The following DMBT1 variants were observed in gnomAD, a reference collection of about 807,000 sequenced individuals.
The protein encoded by DMBT1 is scavenger receptor cysteine-rich domain-containing protein DMBT1.
In DMBT1, 198 loss-of-function variants were observed where a neutral mutation model predicts 252.9. The ratio of observed to expected loss-of-function variants is 0.78; its 90% confidence interval spans 0.70 to 0.88. The LOEUF (loss-of-function observed/expected upper bound fraction) is 0.88. Among genes scored for constraint, DMBT1 ranks in the 40% least tolerant of loss-of-function variants. The pLI is 0.00. For missense variants in DMBT1, 2,432 were observed against 2,404.7 expected (o/e 1.01, Z -0.24); for synonymous variants, 990 against 942.7 (o/e 1.05, Z -0.92).
chr10:122,563,336 T>C (rs2097564166), intron 1 of DMBT1, among the ~76,000 whole-genome samples: 2 of 152,226 alleles, frequency 1.3e-5, no homozygotes, highest in Non-Finnish European at 2.9e-5. Flanking sequence ...CATTTAGTGT[T>C]ACTACTCTAG....
At chr10:122,586,522 A>G in intron 16 of DMBT1, 139 bp downstream of exon 16, 1 of 1,360,370 alleles carries the variant, frequency 7.4e-7, no homozygotes, top group Non-Finnish European at 9.8e-7. Flanking sequence ...CTCCTAGGAA[A>G]CCGCATGAGT....
rs763215088 is a variant in DMBT1 at position 122,589,208 on chromosome 10, A to G, written c.2048A>G (p.Asn683Ser). Residue 683 changes from asparagine (N) to serine (S), a missense_variant, in exon 17 of 56, where the codon AAC (asparagine) becomes AGC (serine). Physicochemically the swap from Asn to Ser is conservative, Grantham distance 46 (BLOSUM62 1). This residue lies in a region of DMBT1 where 1,264 missense variants were observed against 1,082.2 expected (regional missense o/e 1.17). Coordinates refer to ENST00000338354, the MANE Select transcript of DMBT1 (RefSeq NM_001377530.1). Reference sequence around the variant, plus strand: ...GAGTCCTACCTGTGGAGCTGCCCCAACAATGGCTGGCTCTCCCACAACTGT... The same window carrying G: ...GAGTCCTACCTGTGGAGCTGCCCCAGCAATGGCTGGCTCTCCCACAACTGT... Reference protein sequence around the residue: ...GHESYLWSCPNNGWLSHNCGH... With the variant: ...GHESYLWSCPSNGWLSHNCGH... 103 of 1,588,474 alleles carry G rather than the reference A, an allele frequency of 6.5e-5. 12 individuals are homozygous for G. The highest frequency in any genetic ancestry group is 8.3e-5 in the Non-Finnish European group (97 of 1,165,718).
chr10:122,636,146 C>T lies in DMBT1; in HGVS notation c.6704C>T (p.Thr2235Ile), dbSNP rs773895518. Residue 2235 changes from threonine (T) to isoleucine (I), a missense_variant, in exon 53 of 56, where the codon ACA becomes ATA. By Grantham distance (89) the Thr-to-Ile change is moderately conservative. Transcript: ENST00000338354. ...SIRFISDHSI[T>I]RRGFRAEYYS... ...CGCTTCATCAGTGACCACAGCATCA[C>T]AAGGAGAGGGTTCCGGGCTGAGTAC... 9.9e-6 allele frequency: 16 copies of T among 1,613,892 alleles called. No individual in the cohort carries two copies. The African/African-American group carries it at 1.2e-4, about 12-fold the overall frequency.
chr10:122,591,590 G>C lies in DMBT1; in HGVS notation c.2176+73G>C, dbSNP rs2133585807. Reference sequence around the variant, plus strand: ...ACAAATGTTTTCTCTGAAAATGATAGGATGAGGGTCAAGGTGGGCCCCTGT... The same window carrying C: ...ACAAATGTTTTCTCTGAAAATGATACGATGAGGGTCAAGGTGGGCCCCTGT... On this transcript the variant is annotated intron_variant, in intron 19 of 55. Transcript: ENST00000338354. 5 of 1,465,024 alleles carry C rather than the reference G, an allele frequency of 3.4e-6. No homozygotes were observed. The East Asian group carries it at 9.7e-5, about 28-fold the overall frequency. The allele number at this position is 1,465,024 out of a possible 1,614,324, so 90.8% of individuals were successfully genotyped here.
chr10:122,577,892 A>AC (rs1312572667), intron 8 of DMBT1, 52 bp downstream of exon 8: 2 of 1,592,458 alleles, frequency 1.3e-6, no homozygotes, highest in Non-Finnish European at 1.7e-6. Context: ...CTGCTCAGTT[A>AC]CCCCTTCCCT....
At chr10:122,619,462 C>G in intron 42 of DMBT1, 125 bp downstream of exon 42, 1 of 1,298,276 alleles carries the variant, frequency 7.7e-7, no homozygotes, top group Middle Eastern at 1.9e-4. Flanking sequence ...TTTCCTCCCA[C>G]CACTCTGTAA....
At chr10:122,587,337 A>G (rs1426045067) in intron 16 of DMBT1, among the ~76,000 whole-genome samples, 1 of 148,312 alleles carries the variant, frequency 6.7e-6, no homozygotes, top group Non-Finnish European at 1.5e-5. Context: ...CAAGGCTGGG[A>G]GTGGAGATTC....
At chr10:122,632,475 G>A (rs2098173180) in intron 50 of DMBT1, among the ~76,000 whole-genome samples, 2 of 148,474 alleles carry the variant, frequency 1.3e-5, no homozygotes, top group Non-Finnish European at 3.0e-5. Flanking sequence ...TCCTCTGCCT[G>A]CTCCATCTAC....
intron 46 of DMBT1, among the ~76,000 whole-genome samples, chr10:122,627,614 A>C (rs2098127546): frequency 6.6e-6 from 1 of 152,238 alleles, no homozygotes; most frequent in African/African-American, 2.4e-5. Context: ...GACTATATAC[A>C]ATAGCATATT....
At chr10:122,585,330 T>G in intron 15 of DMBT1, 21 bp downstream of exon 15, 1 of 1,582,464 alleles carries the variant, frequency 6.3e-7, no homozygotes, top group Non-Finnish European at 8.6e-7. Context: ...CTCTCGCCCC[T>G]CCCTAGGGCT....
At chr10:122,619,182 C>T in intron 41 of DMBT1, 126 bp from the exon 42 acceptor site, 3 of 1,218,608 alleles carry the variant, frequency 2.5e-6, no homozygotes, top group South Asian at 2.4e-5. Flanking sequence ...GGCAATGCCC[C>T]TCCCTCTGTG....
intron 44 of DMBT1, among the ~76,000 whole-genome samples, chr10:122,622,416 G>T (rs1395946605): frequency 2.0e-5 from 3 of 152,244 alleles, no homozygotes; most frequent in African/African-American, 7.2e-5. Context: ...CAGTTATCCA[G>T]AATGTTTAGT....
chr10:122,643,221 C>G lies in DMBT1; in HGVS notation c.7452C>G (p.Ser2484=). The G allele has an allele frequency of 6.2e-7, 1 of 1,613,966 alleles. No individual in the cohort carries two copies. The highest frequency in any genetic ancestry group is 1.1e-5 in the South Asian group (1 of 91,084). Residue 2484 remains serine (S), a synonymous_variant, in exon 56 of 56, where the codon TCC becomes TCG. Coordinates refer to ENST00000338354, the MANE Select transcript of DMBT1 (RefSeq NM_001377530.1). ...RAFHFLNRFP[S]VYLRCKMVVC... ...TCCACTTCCTGAACCGCTTCCCCTC[C>G]GTGTACCTGCGTTGTAAAATGGTGG...
intron 20 of DMBT1, 96 bp from the exon 21 acceptor site, chr10:122,593,473 G>C: frequency 7.5e-7 from 1 of 1,327,688 alleles, no homozygotes; most frequent in Non-Finnish European, 1.1e-6. Flanking sequence ...AGGATGGACT[G>C]AGTGTCAGAC....
At position 122,621,312 on chromosome 10, in the gene DMBT1, G is replaced by A. The variant is rs767925651; in HGVS notation, c.5540G>A (p.Ser1847Asn). Reference sequence around the variant, plus strand: ...TCAGGGAATGAGTCCTACCTGTGGAGCTGCCCCCACAAAGGCTGGCTCACC... The same window carrying A: ...TCAGGGAATGAGTCCTACCTGTGGAACTGCCCCCACAAAGGCTGGCTCACC... The part of the protein sequence containing the change: ...RCSGNESYLW[S>N]CPHKGWLTHN... Residue 1847 changes from serine to asparagine, a missense_variant, in exon 44 of 56, where the codon AGC (serine) becomes AAC (asparagine). By Grantham distance (46) the Ser-to-Asn change is conservative. Coordinates refer to ENST00000338354, the MANE Select transcript of DMBT1 (RefSeq NM_001377530.1). 9.9e-6 allele frequency: 16 copies of A among 1,613,728 alleles called. No homozygotes were observed. The highest frequency in any genetic ancestry group is 2.2e-5 in the South Asian group (2 of 91,080).
intron 18 of DMBT1, 111 bp from the exon 19 acceptor site, chr10:122,591,368 A>G (rs546579602): frequency 2.4e-6 from 3 of 1,254,906 alleles, no homozygotes; most frequent in Non-Finnish European, 3.5e-6. Context: ...AAGTGGCAGG[A>G]ACTAGAAATG....
chr10:122,617,955 C>T (rs2098013283), intron 40 of DMBT1, 62 bp from the exon 41 acceptor site: 1 of 1,601,404 alleles, frequency 6.2e-7, no homozygotes, highest in Non-Finnish European at 8.5e-7. Context: ...GAGTGTGGAA[C>T]TTGCCTTAGA....
At chr10:122,573,884 C>T in intron 6 of DMBT1, 122 bp downstream of exon 6, 1 of 1,268,244 alleles carries the variant, frequency 7.9e-7, no homozygotes. Context: ...CACGAGGGGC[C>T]CTTCCACAAA....
At chr10:122,622,750 C>T (rs1027090044) in intron 44 of DMBT1, among the ~76,000 whole-genome samples, 6 of 152,106 alleles carry the variant, frequency 3.9e-5, no homozygotes, top group Non-Finnish European at 8.8e-5. Flanking sequence ...TTTGGGGCGA[C>T]GGGAAGGATG....
Sources: allele counts gnomAD v4.1 joint callset (sites outside exome capture counted in the v4.1 genomes callset), GRCh38; gene constraint gnomAD v4.1.1; regional missense constraint gnomAD v4.1.1; transcripts MANE v1.5; gene names NCBI Gene and HGNC (gene_info 2026-07-23, HGNC 2026-07-21).